Variants in LNX1 observed in about 807,000 individuals in gnomAD.
The protein encoded by LNX1 is E3 ubiquitin-protein ligase LNX.
LNX1 carries 54 observed loss-of-function variants against 68.4 expected under a neutral mutation model. The observed-to-expected ratio is 0.79, with a 90% CI of 0.63 to 0.99. LNX1 has a LOEUF of 0.99. Ranked by LOEUF, LNX1 falls within the 50% of genes least tolerant of loss-of-function variation. The probability of loss-of-function intolerance (pLI) is 0.00; values close to 1 mark genes in which losing one functional copy is unlikely to be tolerated. For missense variants in LNX1, 906 were observed against 926.4 expected, an observed-to-expected ratio of 0.98 and a Z score of 0.29; for synonymous variants, 336 against 350.0, an observed-to-expected ratio of 0.96 and a Z score of 0.45.
intron 5 of LNX1, 94 bp from the exon 6 acceptor site, chr4:53,496,488 T>TA (rs200916039): frequency 0.032 from 45,008 of 1,421,692 alleles, 847 homozygotes; most frequent in Non-Finnish European, 0.037. Flanking sequence ...ATCCTGTCTT[T>TA]AAAGACTGCT....
intron 1 of LNX1, among the ~76,000 whole-genome samples, chr4:53,622,788 G>A (rs1031538144): frequency 2.6e-5 from 4 of 152,238 alleles, no homozygotes; most frequent in African/African-American, 7.2e-5. Flanking sequence ...AATAAGAGAG[G>A]GAGGCTGACC....
chr4:53,575,552 C>T (rs1243826083), intron 1 of LNX1: 1 of 985,232 alleles, frequency 1.0e-6, no homozygotes, highest in East Asian at 1.1e-4. Flanking sequence ...CAAGTAGGAG[C>T]CCAGTGCAAA....
chr4:53,524,449 A>G (rs1305401616), intron 2 of LNX1: 1 of 152,236 alleles, frequency 6.6e-6, no homozygotes, highest in African/African-American at 2.4e-5. Flanking sequence ...TACTCTCTCC[A>G]TTTGACAGAT....
chr4:53,483,150 C>T (rs62323567), intron 6 of LNX1, among the ~76,000 whole-genome samples: 16,737 of 152,118 alleles, frequency 0.11, 1,071 homozygotes, highest in East Asian at 0.16. Flanking sequence ...ATGCTGTTCT[C>T]GAGATAGTAA....
intron 9 of LNX1, among the ~76,000 whole-genome samples, chr4:53,473,593 C>T (rs1361017871): frequency 6.6e-6 from 1 of 152,068 alleles, no homozygotes; most frequent in Non-Finnish European, 1.5e-5. Context: ...TAAGTGGGAA[C>T]TAAAATGATG....
chr4:53,505,342 C>A (rs1250535529), intron 4 of LNX1, among the ~76,000 whole-genome samples: 1 of 151,972 alleles, frequency 6.6e-6, no homozygotes, highest in Non-Finnish European at 1.5e-5. Context: ...CCTCTGCCTC[C>A]CAGGTTCAAG....
chr4:53,488,225 T>C (rs1284277291), intron 6 of LNX1, among the ~76,000 whole-genome samples: 3 of 152,238 alleles, frequency 2.0e-5, no homozygotes, highest in Admixed American at 6.5e-5. Context: ...CATTTTTAGA[T>C]AGCACTAATT....
intron 6 of LNX1, among the ~76,000 whole-genome samples, chr4:53,485,612 T>C (rs1412569888): frequency 6.6e-6 from 1 of 152,196 alleles, no homozygotes; most frequent in African/African-American, 2.4e-5. Context: ...ACCAGCCACC[T>C]TGTAAATTGC....
rs543737371 is a variant in LNX1 at position 53,567,504 on chromosome 4, A to G, written c.380+6119T>C. On this transcript the variant is annotated intron_variant, in intron 2 of 10. Coordinates refer to ENST00000263925, the MANE Select transcript of LNX1 (RefSeq NM_001126328.3). ...GGGACGCATGCAAAGCAGTGTGTAG[A>G]GGGAAATTTATAGCACTAAGTGCCC... Among the ~76,000 whole-genome samples the G allele has an allele frequency of 3.2e-3, 486 of 152,386 alleles. 4 individuals carry two copies. Among genetic ancestry groups the G allele is most frequent in the African/African-American group, 0.011 (466 of 41,590 alleles).
chr4:53,482,934 A>G (rs1189870985), intron 6 of LNX1, among the ~76,000 whole-genome samples: 2 of 152,228 alleles, frequency 1.3e-5, no homozygotes, highest in Non-Finnish European at 2.9e-5. Flanking sequence ...TACTCTGCTA[A>G]TTCTCTCTGC....
chr4:53,564,522 T>A (rs576680399), intron 2 of LNX1, among the ~76,000 whole-genome samples: 1 of 152,232 alleles, frequency 6.6e-6, no homozygotes, highest in African/African-American at 2.4e-5. Context: ...ACTCCTGGGG[T>A]GGGCAGAATA....
In LNX1 at chr4:53,507,346, T is replaced by G. The variant is rs765789102; in HGVS notation, c.746A>C (p.Glu249Ala). 6.2e-7 allele frequency: 1 copy of G among 1,614,192 alleles called. No individual in the cohort carries two copies. The highest frequency in any genetic ancestry group is 1.1e-5 in the South Asian group (1 of 91,078). ...AVANHADQGR[E>A]NSENTTAPEV... is the part of the protein sequence containing the mutation. ...AGGGGCAGTGGTGTTTTCAGAATTTTCCCTGCCCTGGTCGGCATGGTTGGC... is the reference window on the plus strand; with the variant it reads ...AGGGGCAGTGGTGTTTTCAGAATTTGCCCTGCCCTGGTCGGCATGGTTGGC... The change falls in exon 4 of 11, where the codon GAA becomes GCA. Residue 249 changes from glutamate to alanine, a missense_variant. By Grantham distance (107) the Glu-to-Ala change is moderately radical. Transcript: ENST00000263925.
intron 2 of LNX1, among the ~76,000 whole-genome samples, chr4:53,569,990 C>T (rs1310652098): frequency 9.9e-5 from 15 of 152,260 alleles, no homozygotes; most frequent in South Asian, 2.1e-4. Context: ...GTTAGAATGG[C>T]GATCATTGAA....
chr4:53,537,206 C>T (rs114266556), intron 2 of LNX1, among the ~76,000 whole-genome samples: 1,675 of 152,286 alleles, frequency 0.011, 27 homozygotes, highest in African/African-American at 0.034. Context: ...CTAACTTGCA[C>T]GAACATCTGA....
At chr4:53,595,189 A>G (rs1463956000), upstream of LNX1, among the ~76,000 whole-genome samples, 1 of 152,182 alleles carries the variant, frequency 6.6e-6, no homozygotes, top group Non-Finnish European at 1.5e-5. Context: ...GGGCAGTGGC[A>G]TGGGTGGAAC....
In LNX1 at chr4:53,530,810, T is replaced by C. The variant is rs1000154165; in HGVS notation, c.381-22583A>G. Among the ~76,000 whole-genome samples the C allele has an allele frequency of 1.4e-4, 22 of 152,146 alleles. 1 individual carries two copies. Among genetic ancestry groups the C allele is most frequent in the Non-Finnish European group, 8.8e-5 (6 of 68,026 alleles). ...TTAAGTATTTCAGGGTCAAATTACA[T>C]AGTGTCTAGAATTTGCTTTAAAATG... is the stretch of plus-strand genomic sequence containing the variant. On this transcript the variant is annotated intron_variant, in intron 2 of 10. Coordinates refer to ENST00000263925, the MANE Select transcript of LNX1 (RefSeq NM_001126328.3).
intron 1 of LNX1, among the ~76,000 whole-genome samples, chr4:53,628,343 C>T (rs1353159841): frequency 6.6e-6 from 1 of 152,098 alleles, no homozygotes; most frequent in Non-Finnish European, 1.5e-5. Flanking sequence ...CATGAATAGA[C>T]ATTTCTCAAA....
intron 2 of LNX1, among the ~76,000 whole-genome samples, chr4:53,535,292 T>C (rs1313538539): frequency 6.6e-6 from 1 of 152,220 alleles, no homozygotes; most frequent in African/African-American, 2.4e-5. Context: ...AAGCCATGAC[T>C]CTTTTAGTCC....
chr4:53,585,969 C>T (rs1732148009), intron 1 of LNX1, among the ~76,000 whole-genome samples: 1 of 152,052 alleles, frequency 6.6e-6, no homozygotes, highest in Non-Finnish European at 1.5e-5. Flanking sequence ...CTCTATAGGG[C>T]TTAGAAATAG....
Sources: gnomAD v4.1 joint callset for allele counts (sites outside exome capture counted in the v4.1 genomes callset) on GRCh38, gnomAD v4.1.1 for gene constraint, MANE v1.5 for transcripts, NCBI Gene and HGNC (gene_info 2026-07-23, HGNC 2026-07-21) for gene names.